The following ANGPT1 variants were observed in gnomAD, a reference collection of about 807,000 sequenced individuals.
ANGPT1 encodes the protein angiopoietin-1.
In ANGPT1, 17 loss-of-function variants were observed where a neutral mutation model predicts 62.2. The observed-to-expected ratio is 0.27, with a 90% confidence interval of 0.19 to 0.41. The LOEUF (loss-of-function observed/expected upper bound fraction) is 0.41. ANGPT1 is among the 10% of genes least tolerant of loss of function. The pLI is 1.00. For missense variants in ANGPT1, 478 were observed against 594.9 expected (o/e 0.80, Z 2.04); for synonymous variants, 199 against 198.9 (o/e 1.00, Z 0.00).
At chr8:107,312,059 G>C (rs372801446) in intron 4 of ANGPT1, among the ~76,000 whole-genome samples, 1 of 119,228 alleles carries the variant, frequency 8.4e-6, no homozygotes, top group Non-Finnish European at 1.7e-5. Context: ...GCGAGACTCC[G>C]TTTCAAAAAA....
intron 6 of ANGPT1, 132 bp downstream of exon 6, chr8:107,293,804 A>G (rs1814342286): frequency 4.7e-6 from 3 of 637,276 alleles, no homozygotes; most frequent in African/African-American, 1.9e-5. Flanking sequence ...TCTAATGAAA[A>G]TAATACTAAT....
intron 1 of ANGPT1, among the ~76,000 whole-genome samples, chr8:107,447,527 C>T (rs1811652961): frequency 1.3e-5 from 2 of 152,262 alleles, no homozygotes; most frequent in Admixed American, 6.5e-5. Flanking sequence ...AGGCTAATCC[C>T]TCTGCCTTAG....
At chr8:107,426,477 A>G (rs1335013238) in intron 1 of ANGPT1, among the ~76,000 whole-genome samples, 1 of 152,212 alleles carries the variant, frequency 6.6e-6, no homozygotes, top group Non-Finnish European at 1.5e-5. Flanking sequence ...AAACATGAAG[A>G]CACATGAGAA....
chr8:107,362,474 A>G (rs1175564005), intron 1 of ANGPT1, among the ~76,000 whole-genome samples: 1 of 152,196 alleles, frequency 6.6e-6, no homozygotes, highest in East Asian at 1.9e-4. Flanking sequence ...GGAGAAATAC[A>G]TACTTCATCA....
chr8:107,410,878 T>C (rs146930383), intron 1 of ANGPT1, among the ~76,000 whole-genome samples: 118 of 152,302 alleles, frequency 7.7e-4, no homozygotes, highest in African/African-American at 2.7e-3. Context: ...ATTTGTCTCT[T>C]ACTTAGTATT....
chr8:107,258,401 T>A (rs544125828), intron 8 of ANGPT1, among the ~76,000 whole-genome samples: 1 of 152,318 alleles, frequency 6.6e-6, no homozygotes, highest in African/African-American at 2.4e-5. Flanking sequence ...TAAATATAAA[T>A]CATTTAGAAT....
intron 1 of ANGPT1, among the ~76,000 whole-genome samples, chr8:107,366,152 T>A (rs1370983583): frequency 1.3e-5 from 2 of 152,224 alleles, no homozygotes; most frequent in South Asian, 2.1e-4. Context: ...ATATGCCCAG[T>A]AATGTGCTAA....
At chr8:107,323,759 C>A (rs1245835554) in intron 3 of ANGPT1, among the ~76,000 whole-genome samples, 1 of 151,528 alleles carries the variant, frequency 6.6e-6, no homozygotes, top group East Asian at 1.9e-4. Flanking sequence ...TTTTGTTTTG[C>A]TTTTTGTTGT....
intron 4 of ANGPT1, among the ~76,000 whole-genome samples, chr8:107,311,160 T>C (rs1329341533): frequency 6.6e-6 from 1 of 151,536 alleles, no homozygotes; most frequent in Non-Finnish European, 1.5e-5. Context: ...TCATTGAAAG[T>C]ACGTGTGTAT....
chr8:107,406,172 T>C (rs1817144560), intron 1 of ANGPT1, among the ~76,000 whole-genome samples: 1 of 151,912 alleles, frequency 6.6e-6, no homozygotes, highest in Non-Finnish European at 1.5e-5. Context: ...TCTAACCATT[T>C]GTATTTATTC....
At chr8:107,437,115 C>T (rs1811355321) in intron 1 of ANGPT1, among the ~76,000 whole-genome samples, 1 of 152,162 alleles carries the variant, frequency 6.6e-6, no homozygotes, top group African/African-American at 2.4e-5. Flanking sequence ...CCAGGACTTT[C>T]TCCGAAGTGC....
At chr8:107,255,679 AG>A (rs1813342198) in intron 8 of ANGPT1, among the ~76,000 whole-genome samples, 1 of 152,218 alleles carries the variant, frequency 6.6e-6, no homozygotes, top group Non-Finnish European at 1.5e-5. Flanking sequence ...ACAGAGTTTA[AG>A]GAACTGCTTA....
intron 7 of ANGPT1, among the ~76,000 whole-genome samples, chr8:107,269,446 A>C (rs1400776617): frequency 1.3e-5 from 2 of 152,080 alleles, no homozygotes; most frequent in Admixed American, 6.6e-5. Context: ...TGAAGCTAAT[A>C]ATTGTTCCAA....
At chr8:107,365,254 A>G (rs1816248092) in intron 1 of ANGPT1, among the ~76,000 whole-genome samples, 1 of 152,150 alleles carries the variant, frequency 6.6e-6, no homozygotes, top group African/African-American at 2.4e-5. Context: ...TACAAAGCAC[A>G]TTTATTCATA....
At chr8:107,313,311 A>T (rs1030583349) in intron 4 of ANGPT1, among the ~76,000 whole-genome samples, 2 of 152,006 alleles carry the variant, frequency 1.3e-5, no homozygotes, top group African/African-American at 4.8e-5. Flanking sequence ...CAGAATGTGA[A>T]CACCCAAACT....
At chr8:107,367,724 G>A (rs1165600514) in intron 1 of ANGPT1, among the ~76,000 whole-genome samples, 1 of 152,198 alleles carries the variant, frequency 6.6e-6, no homozygotes. Context: ...TTTCAACAAT[G>A]TTCATGGTTG....
intron 1 of ANGPT1, among the ~76,000 whole-genome samples, chr8:107,493,234 G>A (rs966677788): frequency 2.7e-5 from 4 of 150,380 alleles, no homozygotes; most frequent in Non-Finnish European, 5.9e-5. Flanking sequence ...GTCTAGGTGG[G>A]AAAACAAGCC....
In ANGPT1 at chr8:107,372,525, C is replaced by T. The variant is rs557591219; in HGVS notation, c.298-25428G>A. Among the ~76,000 whole-genome samples, 10 of 152,156 alleles carry T rather than the reference C, an allele frequency of 6.6e-5. No individual in the cohort carries two copies. The South Asian group carries it at 2.1e-3, about 32-fold the overall frequency. ...TTGAAACTATTAGTTTCATGTTTAACTCTATTATTTAACTTATCAGATAAC... is the reference window on the plus strand; with the variant it reads ...TTGAAACTATTAGTTTCATGTTTAATTCTATTATTTAACTTATCAGATAAC... On this transcript the variant is annotated intron_variant, in intron 1 of 8. Transcript: ENST00000517746.
chr8:107,465,381 A>G (rs1433233063), intron 1 of ANGPT1, among the ~76,000 whole-genome samples: 2 of 152,170 alleles, frequency 1.3e-5, no homozygotes, highest in Non-Finnish European at 2.9e-5. Flanking sequence ...TCATAATAAG[A>G]ACTAATCACA....
Sources: allele counts gnomAD v4.1 joint callset (sites outside exome capture counted in the v4.1 genomes callset), GRCh38; gene constraint gnomAD v4.1.1; transcripts MANE v1.5; gene names NCBI Gene and HGNC (gene_info 2026-07-23, HGNC 2026-07-21).